PPP1R42: variants seen among roughly 807,000 people sequenced by gnomAD.
PPP1R42 encodes the protein protein phosphatase 1 regulatory subunit 42, also known as leucine rich repeat containing 67.
Under a neutral mutation model 31.0 loss-of-function variants are expected in PPP1R42, and 34 were observed. The ratio of observed to expected loss-of-function variants is 1.10; its 90% CI spans 0.83 to 1.46. The LOEUF is 1.46. Ranked by LOEUF, PPP1R42 falls within the 40% of genes most tolerant of loss-of-function variation. PPP1R42 has a pLI of 0.00. For missense variants in PPP1R42, 268 were observed against 303.0 expected (o/e 0.88, Z 0.86); for synonymous variants, 103 against 109.8 (o/e 0.94, Z 0.39).
intron 6 of PPP1R42, chr8:66,985,507 G>A: frequency 1.7e-6 from 2 of 1,173,054 alleles, no homozygotes; most frequent in Admixed American, 3.4e-5. Context: ...CTTTGGGGAA[G>A]CAATGCCCAT....
At chr8:66,988,606 CT>C in intron 5 of PPP1R42, 89 bp from the exon 6 acceptor site, 2 of 1,219,020 alleles carry the variant, frequency 1.6e-6, no homozygotes, top group Non-Finnish European at 2.3e-6. Flanking sequence ...AAGGTAATTA[CT>C]GCTTTCATGG....
At chr8:67,013,375 G>T (rs1361972538) in intron 3 of PPP1R42, among the ~76,000 whole-genome samples, 4 of 151,430 alleles carry the variant, frequency 2.6e-5, no homozygotes, top group African/African-American at 9.7e-5. Flanking sequence ...TGAAAAGCCC[G>T]GGTAGATAGT....
intron 1 of PPP1R42, 108 bp from the exon 2 acceptor site, chr8:67,017,939 T>G (rs1451351395): frequency 2.1e-6 from 1 of 473,458 alleles, no homozygotes; most frequent in Non-Finnish European, 3.3e-6. Context: ...TTTGATAAGC[T>G]AGTTTATAGA....
chr8:66,993,800 C>T lies in PPP1R42; in HGVS notation c.553-5283G>A, dbSNP rs118028812. ...TGTGTCCCCCATTGTCTAGCAAGTA[C>T]TGCCACATAGTAGGTGTTTTCAATG... On this transcript the variant is annotated intron_variant, in intron 5 of 7. Transcript: ENST00000685739. Among the ~76,000 whole-genome samples the T allele has an allele frequency of 1.3e-4, 20 of 152,218 alleles. 1 individual carries two copies. In the East Asian group the frequency reaches 3.9e-3, roughly 29 times the overall value.
At chr8:67,011,702 A>C (rs1815847920) in intron 4 of PPP1R42, among the ~76,000 whole-genome samples, 2 of 152,340 alleles carry the variant, frequency 1.3e-5, no homozygotes, top group South Asian at 4.1e-4. Context: ...CAGGAATTTC[A>C]GTGTTGCTGT....
chr8:66,977,478 C>T (rs1194566961), intron 7 of PPP1R42, among the ~76,000 whole-genome samples: 1 of 151,940 alleles, frequency 6.6e-6, no homozygotes, highest in Admixed American at 6.6e-5. Context: ...GCTGGGACTA[C>T]AGGTGTGTAC....
At chr8:66,970,711 A>T (rs1383885137) in intron 7 of PPP1R42, 1 of 430,364 alleles carries the variant, frequency 2.3e-6, no homozygotes, top group Non-Finnish European at 4.5e-6. Context: ...TGCCTCTGGG[A>T]CTTTTCGGAG....
intron 5 of PPP1R42, among the ~76,000 whole-genome samples, chr8:66,999,079 G>A (rs1455080886): frequency 6.6e-6 from 1 of 151,994 alleles, no homozygotes; most frequent in Admixed American, 6.6e-5. Flanking sequence ...TCTGAGACAG[G>A]GTCTTACTTT....
intron 5 of PPP1R42, among the ~76,000 whole-genome samples, chr8:67,004,964 G>A (rs796681696): frequency 1.5e-4 from 23 of 152,224 alleles, no homozygotes; most frequent in African/African-American, 5.5e-4. Flanking sequence ...TCCCTAAAGA[G>A]GAATGAATTC....
chr8:66,988,828 A>G (rs773232608), intron 5 of PPP1R42, among the ~76,000 whole-genome samples: 1 of 152,174 alleles, frequency 6.6e-6, no homozygotes, highest in Non-Finnish European at 1.5e-5. Flanking sequence ...CCCTATTCTT[A>G]GTGTAGCTCA....
At chr8:66,985,283 CT>C in intron 6 of PPP1R42, 2 of 926,676 alleles carry the variant, frequency 2.2e-6, no homozygotes, top group Non-Finnish European at 3.5e-6. Flanking sequence ...ACAGTGGAGA[CT>C]CGGGGTCAAA....
intron 5 of PPP1R42, among the ~76,000 whole-genome samples, chr8:66,996,319 T>G (rs1437737002): frequency 6.6e-6 from 1 of 152,236 alleles, no homozygotes; most frequent in African/African-American, 2.4e-5. Context: ...CCCAAAGTGC[T>G]GGGATCACAG....
chr8:67,018,800 C>T (rs1816098121), intron 1 of PPP1R42, among the ~76,000 whole-genome samples: 1 of 77,748 alleles, frequency 1.3e-5, no homozygotes, highest in Non-Finnish European at 2.6e-5. Flanking sequence ...AGTGAGCCAC[C>T]GTGCCTGGCC....
intron 7 of PPP1R42, among the ~76,000 whole-genome samples, chr8:66,977,909 A>G (rs1265122413): frequency 6.6e-6 from 1 of 152,182 alleles, no homozygotes; most frequent in East Asian, 1.9e-4. Context: ...TTGGCCTCCA[A>G]AAGCACTGGG....
chr8:67,022,453 GCTTGT>G (rs1816251159), intron 1 of PPP1R42, among the ~76,000 whole-genome samples: 3 of 152,032 alleles, frequency 2.0e-5, no homozygotes, highest in South Asian at 2.1e-4. Context: ...CCAGACTGTA[GCTTGT>G]CTTTTCTCTT....
chr8:67,012,214 C>A (rs534935967), intron 4 of PPP1R42, among the ~76,000 whole-genome samples: 3 of 151,904 alleles, frequency 2.0e-5, no homozygotes, highest in Non-Finnish European at 4.4e-5. Flanking sequence ...CCAGCTTGGG[C>A]GACAGGGTTT....
intron 1 of PPP1R42, among the ~76,000 whole-genome samples, chr8:67,021,648 T>C (rs1206117799): frequency 6.6e-6 from 1 of 152,130 alleles, no homozygotes; most frequent in Non-Finnish European, 1.5e-5. Flanking sequence ...TACAAATACA[T>C]TTGAAACCCC....
chr8:67,018,325 C>T lies in PPP1R42; in HGVS notation c.-84-494G>A, dbSNP rs181752790. Among the ~76,000 whole-genome samples, 261 of 152,058 alleles carry T rather than the reference C, an allele frequency of 1.7e-3. 2 individuals are homozygous for T. Among genetic ancestry groups the T allele is most frequent in the African/African-American group, 6.0e-3 (247 of 41,496 alleles). On this transcript the variant is annotated intron_variant, in intron 1 of 7. Coordinates refer to ENST00000685739, the MANE Select transcript of PPP1R42 (RefSeq NM_001364910.1). Reference sequence around the variant, plus strand: ...TAGAGATGGGTTTTCACCATATTGGCCAGGCTGGTCTCGAACTCCTGAGCT... The same window carrying T: ...TAGAGATGGGTTTTCACCATATTGGTCAGGCTGGTCTCGAACTCCTGAGCT...
At chr8:66,989,457 T>G (rs570048602) in intron 5 of PPP1R42, among the ~76,000 whole-genome samples, 4 of 152,238 alleles carry the variant, frequency 2.6e-5, no homozygotes, top group Non-Finnish European at 5.9e-5. Context: ...TGCTATTTAA[T>G]GATAATGAAG....
Sources: allele counts gnomAD v4.1 joint callset (sites outside exome capture counted in the v4.1 genomes callset), GRCh38; gene constraint gnomAD v4.1.1; transcripts MANE v1.5; gene names NCBI Gene and HGNC (gene_info 2026-07-23, HGNC 2026-07-21).